The following MACROD2 variants were observed in gnomAD, a reference collection of about 807,000 sequenced individuals.
The protein encoded by MACROD2 is mono-ADP ribosylhydrolase 2, also known as ADP-ribose glycohydrolase MACROD2.
A neutral mutation model predicts 70.4 loss-of-function variants in MACROD2; 36 were observed. The ratio of observed to expected loss-of-function variants is 0.51; its 90% CI spans 0.39 to 0.68. The LOEUF is 0.68. MACROD2 is among the 30% of genes least tolerant of loss of function. MACROD2 has a pLI of 0.00. For synonymous variants in MACROD2, 172 were observed against 178.8 expected (o/e 0.96, Z 0.30); for missense variants, 496 against 538.4 (o/e 0.92, Z 0.78).
chr20:14,281,648 A>T (rs1419210777), intron 3 of MACROD2, among the ~76,000 whole-genome samples: 1 of 152,156 alleles, frequency 6.6e-6, no homozygotes, highest in Non-Finnish European at 1.5e-5. Flanking sequence ...TTAAAAATAT[A>T]ATAAGCAGCC....
intron 3 of MACROD2, among the ~76,000 whole-genome samples, chr20:14,146,212 GA>G: frequency 6.6e-6 from 1 of 152,192 alleles, no homozygotes; most frequent in South Asian, 2.1e-4. Context: ...CAGCTACTCA[GA>G]GAGGCTGAGG....
chr20:14,845,996 A>G (rs545779066), intron 5 of MACROD2, among the ~76,000 whole-genome samples: 1 of 152,246 alleles, frequency 6.6e-6, no homozygotes, highest in South Asian at 2.1e-4. Flanking sequence ...AGCCAAATCC[A>G]CACTTGAGTA....
chr20:14,442,754 C>G (rs1214192272), intron 3 of MACROD2, among the ~76,000 whole-genome samples: 1 of 151,960 alleles, frequency 6.6e-6, no homozygotes, highest in Non-Finnish European at 1.5e-5. Context: ...TACCTACCTC[C>G]CCACAAGAGA....
chr20:14,343,116 A>C (rs998633134), intron 3 of MACROD2, among the ~76,000 whole-genome samples: 1 of 151,966 alleles, frequency 6.6e-6, no homozygotes. Context: ...TTCCCTCTTC[A>C]GCACCTCCAT....
intron 8 of MACROD2, among the ~76,000 whole-genome samples, chr20:15,561,873 C>T (rs936038622): frequency 8.6e-5 from 13 of 151,834 alleles, no homozygotes; most frequent in Middle Eastern, 3.2e-3. Context: ...TGCTTGACAC[C>T]CTGTGTTGAA....
intron 3 of MACROD2, among the ~76,000 whole-genome samples, chr20:14,233,159 A>G (rs1240919740): frequency 6.6e-6 from 1 of 152,148 alleles, no homozygotes; most frequent in Non-Finnish European, 1.5e-5. Flanking sequence ...AACATCAAAG[A>G]TCACTGATCA....
intron 3 of MACROD2, among the ~76,000 whole-genome samples, chr20:14,257,420 G>T (rs912740328): frequency 2.0e-5 from 3 of 151,978 alleles, no homozygotes; most frequent in African/African-American, 4.8e-5. Flanking sequence ...CCTAAAAGTG[G>T]ATAATTTTTA....
At chr20:15,678,352 C>T (rs1340557834) in intron 8 of MACROD2, among the ~76,000 whole-genome samples, 2 of 150,760 alleles carry the variant, frequency 1.3e-5, no homozygotes, top group Admixed American at 6.6e-5. Context: ...GACAACAGAG[C>T]AAGGCCCCAT....
chr20:14,172,275 A>G (rs1476398785), intron 3 of MACROD2, among the ~76,000 whole-genome samples: 1 of 144,292 alleles, frequency 6.9e-6, no homozygotes, highest in Non-Finnish European at 1.5e-5. Flanking sequence ...TTAGTTGGTG[A>G]GTTCTTATCC....
intron 3 of MACROD2, among the ~76,000 whole-genome samples, chr20:14,144,899 C>A (rs6074694): frequency 0.015 from 2,267 of 152,286 alleles, 29 homozygotes; most frequent in Non-Finnish European, 0.023. Flanking sequence ...CTGTAGATTT[C>A]TCTCAGGGCT....
At chr20:15,019,708 G>A (rs2075149553) in intron 5 of MACROD2, among the ~76,000 whole-genome samples, 1 of 152,054 alleles carries the variant, frequency 6.6e-6, no homozygotes, top group South Asian at 2.1e-4. Context: ...AAAAAATGAA[G>A]GGGAGAAGAA....
At chr20:15,338,107 A>G (rs1374729766) in intron 6 of MACROD2, among the ~76,000 whole-genome samples, 1 of 151,396 alleles carries the variant, frequency 6.6e-6, no homozygotes, top group African/African-American at 2.5e-5. Flanking sequence ...GAGCTAAACT[A>G]TTTATCCAAG....
At chr20:15,973,310 G>A (rs73597741) in intron 13 of MACROD2, among the ~76,000 whole-genome samples, 2,990 of 152,216 alleles carry the variant, frequency 0.02, 73 homozygotes, top group African/African-American at 0.061. Context: ...AGAAGCATCA[G>A]TGGCAGAGGT....
chr20:14,623,761 ACT>A (rs1456429687), intron 4 of MACROD2, among the ~76,000 whole-genome samples: 1 of 152,090 alleles, frequency 6.6e-6, no homozygotes, highest in Non-Finnish European at 1.5e-5. Context: ...ACAGAATTGG[ACT>A]CTCTGATAGC....
At chr20:15,722,799 A>T (rs193264043) in intron 8 of MACROD2, among the ~76,000 whole-genome samples, 2 of 152,178 alleles carry the variant, frequency 1.3e-5, no homozygotes, top group African/African-American at 4.8e-5. Context: ...AGAGAATTTC[A>T]TAACTCTGAA....
intron 15 of MACROD2, among the ~76,000 whole-genome samples, chr20:16,010,446 A>G (rs1317007351): frequency 6.6e-6 from 1 of 152,186 alleles, no homozygotes; most frequent in South Asian, 2.1e-4. Context: ...GTCTCCTACC[A>G]TTTTATCTTA....
intron 5 of MACROD2, among the ~76,000 whole-genome samples, chr20:15,046,672 T>TA (rs2075397159): frequency 1.3e-5 from 2 of 152,200 alleles, no homozygotes; most frequent in South Asian, 4.1e-4. Context: ...AAATGACTCT[T>TA]AAAGTCCCCC....
intron 7 of MACROD2, among the ~76,000 whole-genome samples, chr20:15,453,580 C>T (rs1462368622): frequency 6.6e-6 from 1 of 152,150 alleles, no homozygotes; most frequent in Non-Finnish European, 1.5e-5. Flanking sequence ...GTAATTCTCA[C>T]AACAATCTTG....
At chr20:15,784,686 T>C (rs989546755) in intron 8 of MACROD2, among the ~76,000 whole-genome samples, 7 of 152,022 alleles carry the variant, frequency 4.6e-5, no homozygotes, top group African/African-American at 1.7e-4. Context: ...GATGGAGAAA[T>C]AGATGAGTGG....
Sources: gnomAD v4.1 joint callset for allele counts (sites outside exome capture counted in the v4.1 genomes callset) on GRCh38, gnomAD v4.1.1 for gene constraint, MANE v1.5 for transcripts, NCBI Gene and HGNC (gene_info 2026-07-23, HGNC 2026-07-21) for gene names.